Variants in CERS6 observed in about 807,000 individuals in gnomAD.
CERS6 encodes the protein ceramide synthase 6, also known as LAG1 homolog, ceramide synthase 6.
CERS6 carries 26 observed loss-of-function variants against 56.8 expected under a neutral mutation model. That is an observed-to-expected ratio of 0.46 (90% confidence interval 0.34 to 0.63). The LOEUF (loss-of-function observed/expected upper bound fraction) is 0.63. Ranked by LOEUF, CERS6 falls within the 30% of genes least tolerant of loss-of-function variation. The probability of loss-of-function intolerance (pLI) is 0.01; values close to 1 mark genes in which losing one functional copy is unlikely to be tolerated. For synonymous variants in CERS6, 164 were observed against 173.3 expected (o/e 0.95, Z 0.42); for missense variants, 415 against 467.5 (o/e 0.89, Z 1.04).
intron 1 of CERS6, among the ~76,000 whole-genome samples, chr2:168,480,060 T>C (rs1310793228): frequency 3.9e-5 from 6 of 152,192 alleles, no homozygotes; most frequent in Admixed American, 1.3e-4. Flanking sequence ...TCCTTTCAAA[T>C]AGTGAGGATT....
intron 4 of CERS6, among the ~76,000 whole-genome samples, chr2:168,660,200 C>T (rs1229951196): frequency 5.3e-5 from 8 of 152,186 alleles, no homozygotes. Flanking sequence ...TCTATGGGCA[C>T]TGCCATCAAG....
At chr2:168,637,035 C>T (rs1319070543) in intron 4 of CERS6, among the ~76,000 whole-genome samples, 1 of 152,186 alleles carries the variant, frequency 6.6e-6, no homozygotes, top group Admixed American at 6.5e-5. Flanking sequence ...GCTTTCAGCT[C>T]ATATCCCATA....
intron 1 of CERS6, among the ~76,000 whole-genome samples, chr2:168,515,838 C>T (rs1481046246): frequency 6.6e-6 from 1 of 152,176 alleles, no homozygotes; most frequent in Non-Finnish European, 1.5e-5. Context: ...TGACACTACT[C>T]TGTAGCTTTC....
chr2:168,464,793 A>G (rs2105319738), intron 1 of CERS6, among the ~76,000 whole-genome samples: 1 of 152,288 alleles, frequency 6.6e-6, no homozygotes, highest in Non-Finnish European at 1.5e-5. Context: ...ACAAAAAAAG[A>G]CTTATTATTA....
intron 3 of CERS6, among the ~76,000 whole-genome samples, chr2:168,578,857 A>G (rs1683340775): frequency 6.6e-6 from 1 of 152,182 alleles, no homozygotes; most frequent in South Asian, 2.1e-4. Context: ...GCCTCTGATA[A>G]TTATCTCAAC....
intron 3 of CERS6, among the ~76,000 whole-genome samples, chr2:168,630,205 C>T (rs1032154443): frequency 6.6e-6 from 1 of 151,562 alleles, no homozygotes; most frequent in African/African-American, 2.4e-5. Flanking sequence ...TTAGTGACAT[C>T]CAGCCAACTT....
chr2:168,524,361 G>A (rs1000390451), intron 1 of CERS6, among the ~76,000 whole-genome samples: 10 of 152,112 alleles, frequency 6.6e-5, no homozygotes, highest in African/African-American at 2.4e-4. Context: ...AGCTAATTTT[G>A]CTATATAGGA....
At chr2:168,474,061 C>T (rs566793278) in intron 1 of CERS6, among the ~76,000 whole-genome samples, 6 of 152,248 alleles carry the variant, frequency 3.9e-5, no homozygotes, top group Non-Finnish European at 8.8e-5. Flanking sequence ...AAGATCATGT[C>T]TCTCAAAAAA....
intron 1 of CERS6, among the ~76,000 whole-genome samples, chr2:168,534,383 C>T (rs1345854911): frequency 6.8e-6 from 1 of 147,300 alleles, no homozygotes; most frequent in Non-Finnish European, 1.5e-5. Context: ...AACCTGCTAA[C>T]CCTTGGATGC....
At chr2:168,745,539 C>T (rs1241225319) in intron 8 of CERS6, among the ~76,000 whole-genome samples, 1 of 152,098 alleles carries the variant, frequency 6.6e-6, no homozygotes, top group African/African-American at 2.4e-5. Context: ...CTGCGCCTGG[C>T]CAAATATTTT....
intron 1 of CERS6, among the ~76,000 whole-genome samples, chr2:168,546,713 G>A (rs1695471464): frequency 6.6e-6 from 1 of 152,150 alleles, no homozygotes; most frequent in Admixed American, 6.5e-5. Flanking sequence ...AAATTATCCT[G>A]TATTAGTAGA....
At chr2:168,522,900 A>T (rs1057283531) in intron 1 of CERS6, among the ~76,000 whole-genome samples, 1 of 152,092 alleles carries the variant, frequency 6.6e-6, no homozygotes, top group Non-Finnish European at 1.5e-5. Context: ...GATAACAAGA[A>T]CTTTTGTGTG....
At chr2:168,551,816 T>C (rs1234143932) in intron 2 of CERS6, among the ~76,000 whole-genome samples, 1 of 152,220 alleles carries the variant, frequency 6.6e-6, no homozygotes, top group East Asian at 1.9e-4. Flanking sequence ...TTATTTCTCT[T>C]TAGTGAATAT....
chr2:168,562,079 A>G (rs1695799524), intron 3 of CERS6, among the ~76,000 whole-genome samples: 3 of 152,128 alleles, frequency 2.0e-5, no homozygotes, highest in South Asian at 4.2e-4. Context: ...AACTCTTCCT[A>G]TGTCTTCTAA....
intron 6 of CERS6, 29 bp from the exon 7 acceptor site, chr2:168,714,972 C>G: frequency 6.3e-7 from 1 of 1,590,448 alleles, no homozygotes; most frequent in Non-Finnish European, 8.5e-7. Context: ...TTGCTAAACT[C>G]TAATATGGAT....
chr2:168,457,681 C>T (rs1693698636), intron 1 of CERS6, among the ~76,000 whole-genome samples: 1 of 152,178 alleles, frequency 6.6e-6, no homozygotes, highest in South Asian at 2.1e-4. Context: ...CTCCGCCTTT[C>T]TTCCCCGCCT....
chr2:168,618,756 T>C (rs905550709), intron 3 of CERS6, among the ~76,000 whole-genome samples: 2 of 152,112 alleles, frequency 1.3e-5, no homozygotes, highest in African/African-American at 4.8e-5. Context: ...GAAACACATC[T>C]CATGCTCATG....
At chr2:168,546,016 C>T (rs930132546) in intron 1 of CERS6, among the ~76,000 whole-genome samples, 3 of 152,078 alleles carry the variant, frequency 2.0e-5, no homozygotes, top group East Asian at 1.9e-4. Flanking sequence ...TTTGCTGGAC[C>T]GTATGTCTTT....
rs1221950058 is a variant in CERS6 at position 168,502,048 on chromosome 2, T to TTTCTCACTCCCCA, written c.170+45430_170+45431insTTCTCACTCCCCA. 1.4e-3 allele frequency among the ~76,000 whole-genome samples: 207 copies of TTTCTCACTCCCCA among 152,274 alleles called. No individual in the cohort carries two copies. The Middle Eastern group carries it at 0.014, about 10-fold the overall frequency. On this transcript the variant is annotated intron_variant, in intron 1 of 9. Coordinates refer to ENST00000305747, the MANE Select transcript of CERS6 (RefSeq NM_203463.3). Reference sequence around the variant, plus strand: ...GACCACTGGGGAGTGAGAATTGGCCTGGAGGGGGCTTTAGGGACTTACCTG... The same window carrying TTTCTCACTCCCCA: ...GACCACTGGGGAGTGAGAATTGGCCTTTCTCACTCCCCAGGAGGGGGCTTTAGGGACTTACCTG...
Sources: gnomAD v4.1 joint callset for allele counts (sites outside exome capture counted in the v4.1 genomes callset) on GRCh38, gnomAD v4.1.1 for gene constraint, MANE v1.5 for transcripts, NCBI Gene and HGNC (gene_info 2026-07-23, HGNC 2026-07-21) for gene names.